The following CCDC148 variants were observed in gnomAD, a reference collection of about 807,000 sequenced individuals.
The protein encoded by CCDC148 is coiled-coil domain-containing protein 148.
CCDC148 carries 89 observed loss-of-function variants against 85.7 expected under a neutral mutation model. The ratio of observed to expected loss-of-function variants is 1.04; its 90% CI spans 0.87 to 1.24. The LOEUF (loss-of-function observed/expected upper bound fraction) is 1.24, where lower values mean the gene tolerates loss of function less well. CCDC148 is among the 50% of genes most tolerant of loss of function. CCDC148 has a pLI of 0.00. For synonymous variants in CCDC148, 230 were observed against 213.9 expected (o/e 1.08, Z -0.66); for missense variants, 692 against 671.7 (o/e 1.03, Z -0.33).
intron 9 of CCDC148, among the ~76,000 whole-genome samples, chr2:158,254,687 C>A (rs890828171): frequency 6.6e-6 from 1 of 151,536 alleles, no homozygotes; most frequent in Admixed American, 6.6e-5. Context: ...AGCACTGAGA[C>A]TATTTTTATA....
rs185189081 is a variant in CCDC148, at chr2:158,252,574, T to C, written c.1111-1662A>G. Among the ~76,000 whole-genome samples the C allele has an allele frequency of 1.6e-4, 25 of 151,898 alleles. No individual in the cohort carries two copies. In the East Asian group the frequency reaches 4.8e-3, roughly 29 times the overall value. On this transcript the variant is annotated intron_variant, in intron 9 of 13. Transcript: ENST00000283233. ...CCATTCCTTGACCTCATGGTGATAG[T>C]TGACACTGTTGACCATTGCTTTATG... is the stretch of plus-strand genomic sequence containing the variant.
intron 2 of CCDC148, among the ~76,000 whole-genome samples, chr2:158,352,540 G>T (rs1224504749): frequency 1.3e-5 from 2 of 152,114 alleles, no homozygotes; most frequent in East Asian, 3.9e-4. Flanking sequence ...AGAATAAAAA[G>T]AAATGAGCAA....
rs372161594 is a variant in CCDC148 at position 158,309,507 on chromosome 2, T to G, written c.1036A>C (p.Thr346Pro). 6.2e-7 allele frequency: 1 copy of G among 1,614,204 alleles called. No individual in the cohort carries two copies. The highest frequency in any genetic ancestry group is 1.1e-5 in the South Asian group (1 of 91,084). ...AVLTLTEACA[T>P]HEMESMLAKD... ...GCCAACATGCTCTCCATTTCATGTGTTGCACAAGCCTCAGTGAGTGTCAGC... is the reference window on the plus strand; with the variant it reads ...GCCAACATGCTCTCCATTTCATGTGGTGCACAAGCCTCAGTGAGTGTCAGC... The change falls in exon 9 of 14, where the codon ACA (threonine) becomes CCA (proline). Residue 346 changes from threonine to proline, a missense_variant. By Grantham distance (38) the Thr-to-Pro change is conservative. Transcript: ENST00000283233.
chr2:158,177,753 G>C (rs1328820211), intron 12 of CCDC148, among the ~76,000 whole-genome samples: 2 of 152,102 alleles, frequency 1.3e-5, no homozygotes, highest in Non-Finnish European at 2.9e-5. Context: ...CAAAGAAGAT[G>C]ATGATATAAT....
chr2:158,433,088 AAAAATAT>A (rs1559141506), intron 1 of CCDC148, among the ~76,000 whole-genome samples: 2 of 84,740 alleles, frequency 2.4e-5, no homozygotes, highest in African/African-American at 7.2e-5. Context: ...AAAAAAAAAA[AAAAATAT>A]ATATATATAT....
At chr2:158,354,875 C>G (rs564563210) in intron 2 of CCDC148, among the ~76,000 whole-genome samples, 47 of 151,668 alleles carry the variant, frequency 3.1e-4, no homozygotes, top group Admixed American at 1.6e-3. Flanking sequence ...AAAAGCTTAT[C>G]CACCATGATC....
chr2:158,212,417 G>T (rs568238330), intron 11 of CCDC148, among the ~76,000 whole-genome samples: 1 of 152,196 alleles, frequency 6.6e-6, no homozygotes, highest in South Asian at 2.1e-4. Context: ...GTCGAAATTT[G>T]CACATTGTTA....
intron 11 of CCDC148, among the ~76,000 whole-genome samples, chr2:158,201,598 C>A (rs1296470945): frequency 1.3e-5 from 2 of 151,912 alleles, no homozygotes; most frequent in Non-Finnish European, 1.5e-5. Context: ...TTTTTGTAGA[C>A]ACAGGGTTTC....
At chr2:158,196,794 C>T (rs16842746) in intron 11 of CCDC148, among the ~76,000 whole-genome samples, 8,288 of 152,168 alleles carry the variant, frequency 0.054, 757 homozygotes, top group African/African-American at 0.19. Context: ...CCCTACTCTG[C>T]ACTTGTGTGT....
At position 158,410,493 on chromosome 2, in the gene CCDC148, C is replaced by T. The variant is rs986856859; in HGVS notation, c.25+45922G>A. On this transcript the variant is annotated intron_variant, in intron 1 of 13. Coordinates refer to ENST00000283233, the MANE Select transcript of CCDC148 (RefSeq NM_138803.4). ...GATTTTTGTAGTAATTTGGTTTGAT[C>T]CTTCTCTCATATCTTTTGTGTATCA... 5.3e-5 allele frequency among the ~76,000 whole-genome samples: 8 copies of T among 151,666 alleles called. No homozygotes were observed. The East Asian group carries it at 1.4e-3, about 26-fold the overall frequency.
chr2:158,206,596 T>C (rs771608852), intron 11 of CCDC148, among the ~76,000 whole-genome samples: 2 of 152,254 alleles, frequency 1.3e-5, no homozygotes, highest in Non-Finnish European at 2.9e-5. Flanking sequence ...ATGTAAAGAA[T>C]TAGTGACTGG....
chr2:158,328,342 C>T (rs1467563160), intron 7 of CCDC148, among the ~76,000 whole-genome samples: 1 of 152,136 alleles, frequency 6.6e-6, no homozygotes, highest in East Asian at 1.9e-4. Context: ...AGGACATGAA[C>T]TCATCATTTT....
In CCDC148 at chr2:158,176,423, T is replaced by G. The variant is rs76521100; in HGVS notation, c.1629+98A>C. On this transcript the variant is annotated intron_variant, in intron 13 of 13. Transcript: ENST00000283233. ...TATGCTAATATGTAAGATATTCAAA[T>G]GTAAATATTGAAAACTGTTGTAACC... 1,701 of 1,153,014 alleles carry G rather than the reference T, an allele frequency of 1.5e-3. 32 individuals are homozygous for G. The East Asian group carries it at 0.035, about 24-fold the overall frequency. 71.4% of individuals were successfully genotyped at this position (1,153,014 alleles called of 1,614,324 possible). A position where few individuals can be genotyped will look rare whatever the true frequency, so the allele number is the denominator to read the frequency against.
intron 11 of CCDC148, among the ~76,000 whole-genome samples, chr2:158,190,055 G>T (rs1685347280): frequency 6.6e-6 from 1 of 151,970 alleles, no homozygotes; most frequent in Admixed American, 6.6e-5. Context: ...CTTTAAGCCT[G>T]TCTAATTAGT....
intron 1 of CCDC148, among the ~76,000 whole-genome samples, 160 bp from the exon 2 acceptor site, chr2:158,358,730 C>T (rs922037821): frequency 6.6e-6 from 1 of 151,488 alleles, no homozygotes; most frequent in South Asian, 2.1e-4. Flanking sequence ...ATATTTGAGG[C>T]CTCTATTTCT....
chr2:158,436,876 G>T (rs1574820631), intron 1 of CCDC148, among the ~76,000 whole-genome samples: 2 of 152,184 alleles, frequency 1.3e-5, no homozygotes, highest in East Asian at 1.9e-4. Flanking sequence ...AGAAAATCTA[G>T]AAGAAATGGA....
At chr2:158,279,246 T>A (rs1270767007) in intron 9 of CCDC148, among the ~76,000 whole-genome samples, 1 of 152,172 alleles carries the variant, frequency 6.6e-6, no homozygotes, top group Non-Finnish European at 1.5e-5. Flanking sequence ...AGGATCGCAG[T>A]TCCTCACCAA....
At chr2:158,213,847 A>G (rs1323974868) in intron 11 of CCDC148, among the ~76,000 whole-genome samples, 1 of 152,186 alleles carries the variant, frequency 6.6e-6, no homozygotes, top group Non-Finnish European at 1.5e-5. Flanking sequence ...CTGCAGCTGT[A>G]GAGAACTCTA....
At chr2:158,266,879 TATATATATTTATTTAC>T (rs1339876578) in intron 9 of CCDC148, among the ~76,000 whole-genome samples, 1 of 147,624 alleles carries the variant, frequency 6.8e-6, no homozygotes, top group African/African-American at 2.5e-5. Context: ...TATTTACATA[TATATATATTTATTTAC>T]ATATATATAT....
Sources: gnomAD v4.1 joint callset for allele counts (sites outside exome capture counted in the v4.1 genomes callset) on GRCh38, gnomAD v4.1.1 for gene constraint, MANE v1.5 for transcripts, NCBI Gene and HGNC (gene_info 2026-07-23, HGNC 2026-07-21) for gene names.